Variants in MTARC2 observed in about 807,000 individuals in gnomAD.
The protein encoded by MTARC2 is mitochondrial amidoxime reducing component 2.
In MTARC2, 27 loss-of-function variants were observed where a neutral mutation model predicts 35.6. That is an observed-to-expected ratio of 0.76 (90% confidence interval 0.56 to 1.04). The LOEUF is 1.04. Among genes scored for constraint, MTARC2 ranks in the 50% least tolerant of loss-of-function variants. MTARC2 has a pLI of 0.00. For synonymous variants in MTARC2, 158 were observed against 167.1 expected (o/e 0.95, Z 0.42); for missense variants, 412 against 432.5 (o/e 0.95, Z 0.42).
At chr1:220,766,967 C>A (rs1671596113) in intron 4 of MTARC2, among the ~76,000 whole-genome samples, 1 of 139,074 alleles carries the variant, frequency 7.2e-6, no homozygotes, top group Admixed American at 7.3e-5. Flanking sequence ...CATGGTGAAA[C>A]CCCACCTCTA....
intron 4 of MTARC2, among the ~76,000 whole-genome samples, chr1:220,775,192 G>A (rs75694587): frequency 0.026 from 3,480 of 135,846 alleles, 101 homozygotes; most frequent in African/African-American, 0.071. Flanking sequence ...GGTGCTGCTT[G>A]TGATGGAAAA....
At position 220,748,576 on chromosome 1, in the gene MTARC2, A is replaced by G; in HGVS notation, c.45A>G (p.Pro15=). Residue 15 remains proline, a synonymous_variant, in exon 1 of 8, where the codon CCA becomes CCG. Coordinates refer to ENST00000366913, the MANE Select transcript of MTARC2 (RefSeq NM_017898.5). ...SSSALARLGL[P]ARPWPRWLGV... ...CCGCGCTGGCCCGCCTCGGCCTCCC[A>G]GCCCGGCCCTGGCCCAGGTGGCTCG... is the stretch of plus-strand genomic sequence containing the variant. 1 of 1,444,738 alleles carries G rather than the reference A, an allele frequency of 6.9e-7. No individual in the cohort carries two copies. The highest frequency in any genetic ancestry group is 9.0e-7 in the Non-Finnish European group (1 of 1,106,644). The allele number at this position is 1,444,738 out of a possible 1,614,324, so 89.5% of individuals were successfully genotyped here. A position where few individuals can be genotyped will look rare whatever the true frequency, so the allele number is the denominator to read the frequency against.
At chr1:220,762,476 T>TA (rs1163971224) in intron 3 of MTARC2, among the ~76,000 whole-genome samples, 3 of 152,234 alleles carry the variant, frequency 2.0e-5, no homozygotes, top group Admixed American at 2.0e-4. Context: ...CAGGGGTTTT[T>TA]ATCTGCTTTC....
intron 4 of MTARC2, among the ~76,000 whole-genome samples, chr1:220,769,975 C>T (rs1184989165): frequency 4.3e-5 from 6 of 138,380 alleles, no homozygotes; most frequent in South Asian, 2.4e-4. Context: ...GGCGTGATGG[C>T]GGGCGACTGT....
intron 4 of MTARC2, among the ~76,000 whole-genome samples, chr1:220,770,133 AAAAC>A (rs1175332662): frequency 6.6e-6 from 1 of 152,000 alleles, no homozygotes; most frequent in African/African-American, 2.4e-5. Context: ...AACCAAAAAC[AAAAC>A]AAACAAAAAC....
At chr1:220,757,417 C>T (rs1470603289) in intron 2 of MTARC2, among the ~76,000 whole-genome samples, 1 of 152,190 alleles carries the variant, frequency 6.6e-6, no homozygotes, top group Admixed American at 6.5e-5. Context: ...TTAATGGATT[C>T]GTTGCCAAGG....
intron 4 of MTARC2, among the ~76,000 whole-genome samples, chr1:220,772,580 C>G (rs1217499355): frequency 6.6e-6 from 1 of 152,090 alleles, no homozygotes; most frequent in Non-Finnish European, 1.5e-5. Context: ...CTGCAAGGGT[C>G]TCAGGGCCAA....
intron 2 of MTARC2, among the ~76,000 whole-genome samples, chr1:220,759,400 T>G (rs893025431): frequency 2.5e-4 from 38 of 152,304 alleles, no homozygotes; most frequent in African/African-American, 9.1e-4. Context: ...TGCAGAAAAT[T>G]CTGCAAGAAT....
intron 4 of MTARC2, among the ~76,000 whole-genome samples, chr1:220,766,492 G>C (rs1234767187): frequency 6.6e-6 from 1 of 152,170 alleles, no homozygotes; most frequent in Non-Finnish European, 1.5e-5. Flanking sequence ...TCATGGAGTA[G>C]AAATTAATCC....
At chr1:220,770,723 G>A (rs1411699943) in intron 4 of MTARC2, among the ~76,000 whole-genome samples, 1 of 152,228 alleles carries the variant, frequency 6.6e-6, no homozygotes, top group Non-Finnish European at 1.5e-5. Flanking sequence ...CCCAGCCTCT[G>A]CTGTTGGTCA....
In MTARC2 at chr1:220,781,872, G is replaced by A. The variant is rs1360522941; in HGVS notation, c.979G>A (p.Val327Ile). The A allele has an allele frequency of 6.2e-7, 1 of 1,614,224 alleles. No individual in the cohort carries two copies. The highest frequency in any genetic ancestry group is 8.5e-7 in the Non-Finnish European group (1 of 1,180,028). ...YSVEKIGSLR[V>I]GDPVYRMV ...AGTGGAAAAAATTGGAAGCCTGAGA[G>A]TTGGTGACCCTGTGTATCGGATGGT... is the stretch of plus-strand genomic sequence containing the variant. Residue 327 changes from valine (V) to isoleucine (I), a missense_variant, in exon 7 of 8, where the codon GTT becomes ATT. Val to Ile is a conservative substitution (Grantham distance 29). Coordinates refer to ENST00000366913, the MANE Select transcript of MTARC2 (RefSeq NM_017898.5).
At chr1:220,762,002 A>T (rs931379543) in intron 3 of MTARC2, among the ~76,000 whole-genome samples, 182 bp downstream of exon 3, 1 of 152,320 alleles carries the variant, frequency 6.6e-6, no homozygotes, top group South Asian at 2.1e-4. Context: ...GAAGGTGGAT[A>T]TGAGAGGTGT....
chr1:220,752,654 G>T (rs1223612045), intron 1 of MTARC2, among the ~76,000 whole-genome samples: 1 of 152,004 alleles, frequency 6.6e-6, no homozygotes, highest in East Asian at 1.9e-4. Flanking sequence ...CAGCCAGGAG[G>T]TCCAGACCAC....
chr1:220,769,950 A>AAAAAAAAAAAAAAT (rs1671694903), intron 4 of MTARC2, among the ~76,000 whole-genome samples: 1 of 148,920 alleles, frequency 6.7e-6, no homozygotes, highest in Non-Finnish European at 1.5e-5. Context: ...AAAAAAAAAA[A>AAAAAAAAAAAAAAT]AAAAAAATTA....
intron 1 of MTARC2, among the ~76,000 whole-genome samples, chr1:220,753,451 T>C (rs1671187522): frequency 6.6e-6 from 1 of 152,170 alleles, no homozygotes. Flanking sequence ...AGCCAGCACC[T>C]GGAAAGGACT....
chr1:220,750,199 T>G (rs544281529), intron 1 of MTARC2, among the ~76,000 whole-genome samples: 2 of 152,214 alleles, frequency 1.3e-5, no homozygotes, highest in Non-Finnish European at 2.9e-5. Flanking sequence ...TGTTTAGAGC[T>G]TATTCAAATA....
At chr1:220,752,933 G>C (rs1243938597) in intron 1 of MTARC2, among the ~76,000 whole-genome samples, 2 of 151,644 alleles carry the variant, frequency 1.3e-5, no homozygotes, top group Non-Finnish European at 1.5e-5. Context: ...GGAAATGGTG[G>C]GCTGGGCACG....
At chr1:220,754,515 C>T (rs568844104) in intron 1 of MTARC2, 5 of 443,070 alleles carry the variant, frequency 1.1e-5, no homozygotes, top group Non-Finnish European at 2.3e-5. Context: ...CTCAAACTCA[C>T]TTGGCCAACC....
chr1:220,763,748 C>T (rs1306581820), intron 4 of MTARC2, among the ~76,000 whole-genome samples: 16 of 152,156 alleles, frequency 1.1e-4, no homozygotes, highest in Non-Finnish European at 2.4e-4. Flanking sequence ...ATGACAAATA[C>T]CATTTATTGG....
Sources: gnomAD v4.1 joint callset for allele counts (sites outside exome capture counted in the v4.1 genomes callset) on GRCh38, gnomAD v4.1.1 for gene constraint, MANE v1.5 for transcripts, NCBI Gene and HGNC (gene_info 2026-07-23, HGNC 2026-07-21) for gene names.